POC5: variants seen among roughly 807,000 people sequenced by gnomAD.
POC5 encodes POC5 centriolar protein, also known as centrosomal protein POC5.
In POC5, 48 loss-of-function variants were observed where a neutral mutation model predicts 62.9. That is an observed-to-expected ratio of 0.76 (90% CI 0.61 to 0.97). The LOEUF is 0.97. Among genes scored for constraint, POC5 ranks in the 50% least tolerant of loss-of-function variants. The pLI is 0.00. For missense variants in POC5, 696 were observed against 679.5 expected, an observed-to-expected ratio of 1.02 and a Z score of -0.27; for synonymous variants, 236 against 228.2, an observed-to-expected ratio of 1.03 and a Z score of -0.31.
chr5:75,712,691 C>T, intron 2 of POC5, 163 bp downstream of exon 2: 1 of 725,974 alleles, frequency 1.4e-6, no homozygotes, highest in Non-Finnish European at 2.3e-6. Flanking sequence ...AATGTAAAGT[C>T]ACTCCTAAAA....
intron 6 of POC5, among the ~76,000 whole-genome samples, chr5:75,693,588 T>C (rs761615190): frequency 7.3e-4 from 111 of 152,150 alleles, no homozygotes; most frequent in Non-Finnish European, 1.3e-3. Flanking sequence ...ATTTTGAGTA[T>C]AACAAAGAAA....
intron 2 of POC5, 148 bp from the exon 3 acceptor site, chr5:75,708,023 G>T: frequency 1.4e-6 from 1 of 711,918 alleles, no homozygotes; most frequent in African/African-American, 1.8e-5. Flanking sequence ...CCAAGCTTGA[G>T]TTCCTCGAGT....
At chr5:75,710,089 C>G (rs946273637) in intron 2 of POC5, among the ~76,000 whole-genome samples, 2 of 152,146 alleles carry the variant, frequency 1.3e-5, no homozygotes, top group African/African-American at 2.4e-5. Context: ...GTCAGTGCAC[C>G]AGTACCTGAC....
intron 8 of POC5, 55 bp from the exon 9 acceptor site, chr5:75,689,220 G>A: frequency 6.9e-7 from 1 of 1,454,834 alleles, no homozygotes. Context: ...GAAGAATACT[G>A]TCAAAAAAAT....
chr5:75,697,117 T>C (rs1245984580), intron 5 of POC5, among the ~76,000 whole-genome samples: 1 of 152,200 alleles, frequency 6.6e-6, no homozygotes, highest in African/African-American at 2.4e-5. Flanking sequence ...TGGAACCAAG[T>C]TGGAAAACAC....
At chr5:75,679,216 C>T (rs1775785222) in intron 10 of POC5, among the ~76,000 whole-genome samples, 1 of 152,104 alleles carries the variant, frequency 6.6e-6, no homozygotes, top group Non-Finnish European at 1.5e-5. Context: ...GAAACCAAAA[C>T]CAGCTTTGGA....
At chr5:75,693,127 A>AT (rs1361155816) in intron 6 of POC5, among the ~76,000 whole-genome samples, 4 of 148,034 alleles carry the variant, frequency 2.7e-5, no homozygotes, top group African/African-American at 9.8e-5. Context: ...TTATATATAT[A>AT]AGTAAATATA....
chr5:75,679,502 A>G (rs1053147743), intron 10 of POC5, among the ~76,000 whole-genome samples: 1 of 152,160 alleles, frequency 6.6e-6, no homozygotes, highest in African/African-American at 2.4e-5. Context: ...AAAATGACAG[A>G]GTATTGATGT....
chr5:75,695,821 G>C (rs1041128380), intron 5 of POC5, among the ~76,000 whole-genome samples: 11 of 152,170 alleles, frequency 7.2e-5, no homozygotes, highest in Non-Finnish European at 1.5e-5. Context: ...TCACTAGGGA[G>C]TGCCAGACAG....
intron 9 of POC5, among the ~76,000 whole-genome samples, chr5:75,687,161 G>T (rs1008446341): frequency 5.3e-5 from 8 of 152,004 alleles, no homozygotes; most frequent in Non-Finnish European, 1.2e-4. Flanking sequence ...CTCCTGAGTA[G>T]CTGGGACTAC....
chr5:75,679,107 C>T (rs562156643), intron 10 of POC5, among the ~76,000 whole-genome samples: 3 of 152,182 alleles, frequency 2.0e-5, no homozygotes, highest in Admixed American at 6.5e-5. Flanking sequence ...AGAGTGTAAA[C>T]GATTTCCCCA....
chr5:75,712,591 T>C, intron 2 of POC5: 1 of 867,824 alleles, frequency 1.2e-6, no homozygotes, highest in Non-Finnish European at 1.8e-6. Flanking sequence ...AAATGTTTCT[T>C]GAACATTTGT....
chr5:75,707,644 T>C lies in POC5; in HGVS notation c.223+93A>G, dbSNP rs73126731. 71,598 of 1,010,012 alleles carry C rather than the reference T, an allele frequency of 0.071. 2,925 individuals are homozygous for C. The highest frequency in any genetic ancestry group is 0.12 in the South Asian group (6,904 of 55,384). The allele number at this position is 1,010,012 out of a possible 1,614,324, so 62.6% of individuals were successfully genotyped here. On this transcript the variant is annotated intron_variant, in intron 3 of 11. Coordinates refer to ENST00000428202, the MANE Select transcript of POC5 (RefSeq NM_001099271.2). ...CACATAAATGGTTGAGAAGAATCAC[T>C]GATCTGGACAGGCATTTTCACAATC...
chr5:75,706,492 A>G (rs1018684146), intron 3 of POC5, among the ~76,000 whole-genome samples: 4 of 152,224 alleles, frequency 2.6e-5, no homozygotes, highest in African/African-American at 7.2e-5. Flanking sequence ...GCTATCTTAC[A>G]TAAGAGAAAA....
At chr5:75,680,618 GAA>G (rs1161029986) in intron 10 of POC5, among the ~76,000 whole-genome samples, 1 of 151,872 alleles carries the variant, frequency 6.6e-6, no homozygotes, top group Non-Finnish European at 1.5e-5. Flanking sequence ...ATAAATTGAT[GAA>G]AAAGTTGAAA....
intron 5 of POC5, among the ~76,000 whole-genome samples, chr5:75,701,464 G>A (rs1171864944): frequency 5.8e-4 from 80 of 137,958 alleles, no homozygotes; most frequent in Middle Eastern, 3.5e-3. Context: ...GTAAACTATC[G>A]CAAGAACAAA....
intron 2 of POC5, among the ~76,000 whole-genome samples, chr5:75,711,460 T>C (rs1235166198): frequency 6.6e-6 from 1 of 152,210 alleles, no homozygotes; most frequent in Non-Finnish European, 1.5e-5. Flanking sequence ...AGCATTCGCA[T>C]AAAAAGAGAG....
At chr5:75,680,230 T>G (rs1775817227) in intron 10 of POC5, among the ~76,000 whole-genome samples, 1 of 152,036 alleles carries the variant, frequency 6.6e-6, no homozygotes, top group Non-Finnish European at 1.5e-5. Context: ...TACAATTGAG[T>G]TTGTAACTTT....
At chr5:75,687,684 G>A (rs1776154074) in intron 9 of POC5, among the ~76,000 whole-genome samples, 1 of 152,110 alleles carries the variant, frequency 6.6e-6, no homozygotes, top group Non-Finnish European at 1.5e-5. Flanking sequence ...TATTAAGGTG[G>A]GAAATACTCC....
Sources: gnomAD v4.1 joint callset for allele counts (sites outside exome capture counted in the v4.1 genomes callset) on GRCh38, gnomAD v4.1.1 for gene constraint, MANE v1.5 for transcripts, NCBI Gene and HGNC (gene_info 2026-07-23, HGNC 2026-07-21) for gene names.